TENM3: variants seen among roughly 807,000 people sequenced by gnomAD.
The protein encoded by TENM3 is teneurin-3.
TENM3 carries 63 observed loss-of-function variants against 255.1 expected under a neutral mutation model. The ratio of observed to expected loss-of-function variants is 0.25; its 90% confidence interval spans 0.20 to 0.30. The LOEUF (loss-of-function observed/expected upper bound fraction) is 0.30, where lower values mean the gene tolerates loss of function less well. TENM3 is among the 10% of genes least tolerant of loss of function. The probability of loss-of-function intolerance (pLI) is 1.00; values close to 1 mark genes in which losing one functional copy is unlikely to be tolerated. For missense variants in TENM3, 2,929 were observed against 3,461.1 expected, an observed-to-expected ratio of 0.85 and a Z score of 3.86; for synonymous variants, 1,306 against 1,322.3, an observed-to-expected ratio of 0.99 and a Z score of 0.27.
intron 3 of TENM3, among the ~76,000 whole-genome samples, chr4:182,434,727 GATT>G (rs1771926080): frequency 6.6e-6 from 1 of 151,884 alleles, no homozygotes; most frequent in African/African-American, 2.4e-5. Flanking sequence ...GCACCCCAGA[GATT>G]ATTATCAGGG....
At chr4:182,617,588 AT>A (rs1297443931) in intron 4 of TENM3, among the ~76,000 whole-genome samples, 1 of 152,192 alleles carries the variant, frequency 6.6e-6, no homozygotes, top group Non-Finnish European at 1.5e-5. Flanking sequence ...ATACCTTAAA[AT>A]TTCCTCAGCT....
the TENM3 span, among the ~76,000 whole-genome samples, chr4:181,952,904 T>G: frequency 6.6e-6 from 1 of 152,238 alleles, no homozygotes; most frequent in Non-Finnish European, 1.5e-5. Context: ...AGAGTCTTTT[T>G]ACTCCCTGGC....
chr4:182,589,409 T>A (rs941102520), intron 3 of TENM3, among the ~76,000 whole-genome samples: 1 of 151,838 alleles, frequency 6.6e-6, no homozygotes, highest in Non-Finnish European at 1.5e-5. Flanking sequence ...CAAAATCGCC[T>A]CTTATTTTTT....
At chr4:181,553,642 C>A in the TENM3 span, among the ~76,000 whole-genome samples, 1 of 151,972 alleles carries the variant, frequency 6.6e-6, no homozygotes, top group Non-Finnish European at 1.5e-5. Context: ...GGGGTTTCAC[C>A]GTGTTAGCCA....
rs567042023 is a variant in TENM3 at position 182,796,350 on chromosome 4, G to T, written c.7214-287G>T. 1.8e-3 allele frequency among the ~76,000 whole-genome samples: 273 copies of T among 152,268 alleles called. 1 individual carries two copies. Among genetic ancestry groups the T allele is most frequent in the African/African-American group, 6.1e-3 (254 of 41,528 alleles). ...CTGTGCATTGTTCTTACCTTTGCTA[G>T]CACTGTTACTAGCACAGGCTGCAAC... On this transcript the variant is annotated intron_variant, in intron 26 of 27. Transcript: ENST00000511685.
the TENM3 span, among the ~76,000 whole-genome samples, chr4:181,703,425 G>A: frequency 1.1e-4 from 17 of 152,268 alleles, no homozygotes; most frequent in Non-Finnish European, 1.6e-4. Context: ...TAGTTTTAAC[G>A]TAAATGGTTG....
chr4:182,123,896 G>C, the TENM3 span, among the ~76,000 whole-genome samples: 1 of 152,142 alleles, frequency 6.6e-6, no homozygotes, highest in African/African-American at 2.4e-5. Context: ...GTGACAGCGT[G>C]GGGGAGTCAA....
the TENM3 span, among the ~76,000 whole-genome samples, chr4:181,769,169 A>C: frequency 6.6e-6 from 1 of 152,232 alleles, no homozygotes; most frequent in Non-Finnish European, 1.5e-5. Context: ...AAAGATATTC[A>C]TGCAGACAAT....
At chr4:182,021,973 G>A in the TENM3 span, among the ~76,000 whole-genome samples, 1 of 152,112 alleles carries the variant, frequency 6.6e-6, no homozygotes, top group South Asian at 2.1e-4. Context: ...CCTCTGGAAG[G>A]CAGTTTGGAA....
At chr4:181,769,443 C>A in the TENM3 span, among the ~76,000 whole-genome samples, 115 of 152,280 alleles carry the variant, frequency 7.6e-4, no homozygotes, top group African/African-American at 2.5e-3. Flanking sequence ...CACCATCTAC[C>A]AAGTGGATAT....
chr4:181,802,113 A>G, the TENM3 span, among the ~76,000 whole-genome samples: 1 of 152,152 alleles, frequency 6.6e-6, no homozygotes, highest in Non-Finnish European at 1.5e-5. Context: ...TTATGGCACA[A>G]ATACTTTTCA....
rs142731546 is a variant in TENM3 at position 182,310,480 on chromosome 4, T to A, written c.-75-13466T>A. Among the ~76,000 whole-genome samples, 45 of 152,310 alleles carry A rather than the reference T, an allele frequency of 3.0e-4. No homozygotes were observed. The East Asian group carries it at 6.0e-3, about 20-fold the overall frequency. ...AATGTAAACAAGCTACAAGTTTACA[T>A]CTTCCCCTTAGCAACTCTAATGAAA... On this transcript the variant is annotated intron_variant, in intron 1 of 27. Coordinates refer to ENST00000511685, the MANE Select transcript of TENM3 (RefSeq NM_001080477.4).
At chr4:181,503,030 T>C in the TENM3 span, among the ~76,000 whole-genome samples, 1 of 152,130 alleles carries the variant, frequency 6.6e-6, no homozygotes, top group South Asian at 2.1e-4. Context: ...TTCTTAAAAA[T>C]GGGAAGACAC....
chr4:182,594,189 T>A (rs1239578459), intron 3 of TENM3, among the ~76,000 whole-genome samples: 1 of 151,854 alleles, frequency 6.6e-6, no homozygotes, highest in Non-Finnish European at 1.5e-5. Context: ...TTGATTTTTA[T>A]TTTTTTTAGA....
the TENM3 span, among the ~76,000 whole-genome samples, chr4:181,983,098 A>C: frequency 6.6e-6 from 1 of 152,182 alleles, no homozygotes; most frequent in Non-Finnish European, 1.5e-5. Context: ...AAAGAAAAGA[A>C]GAATAGGAAG....
At chr4:182,447,141 T>C (rs568775916) in intron 3 of TENM3, among the ~76,000 whole-genome samples, 1 of 152,328 alleles carries the variant, frequency 6.6e-6, no homozygotes, top group African/African-American at 2.4e-5. Flanking sequence ...ATAATTTCTA[T>C]GATATCTTCA....
chr4:182,792,335 G>A lies in TENM3; in HGVS notation c.5663G>A (p.Arg1888His), dbSNP rs371599423. 158 of 1,613,844 alleles carry A rather than the reference G, an allele frequency of 9.8e-5. No homozygotes were observed. The highest frequency in any genetic ancestry group is 8.5e-4 in the South Asian group (77 of 91,084). ...ATCTTCGAATACGATATGTGGGACC[G>A]CCTGTCTGCCATCACCATGCCCAGT... ...QYIFEYDMWD[R>H]LSAITMPSVA... Residue 1888 changes from arginine (R) to histidine (H), a missense_variant, in exon 26 of 28, where the codon CGC becomes CAC. Arg to His is a conservative substitution (Grantham distance 29). This residue lies in a region of TENM3 where 303 missense variants were observed against 425.2 expected (regional missense o/e 0.71). Transcript: ENST00000511685. This position sits in a 1 kb window ranked among gnomAD's most constrained non-coding sequence, Gnocchi z 6.3.
chr4:181,700,038 C>T, the TENM3 span, among the ~76,000 whole-genome samples: 3 of 152,072 alleles, frequency 2.0e-5, no homozygotes, highest in Admixed American at 1.3e-4. Flanking sequence ...TGAAAAGTGA[C>T]CCTCCAGTGT....
chr4:182,323,759 G>A (rs1240563230), intron 1 of TENM3, among the ~76,000 whole-genome samples, 187 bp from the exon 2 acceptor site: 3 of 152,110 alleles, frequency 2.0e-5, no homozygotes, highest in Admixed American at 6.6e-5. Context: ...AGCAGAAAGC[G>A]TGCTTCACCT....
Sources: allele counts gnomAD v4.1 joint callset (sites outside exome capture counted in the v4.1 genomes callset), GRCh38; gene constraint gnomAD v4.1.1; regional missense constraint gnomAD v4.1.1; non-coding constraint Gnocchi (gnomAD v3.1); transcripts MANE v1.5; gene names NCBI Gene and HGNC (gene_info 2026-07-23, HGNC 2026-07-21).